METTL25: variants seen among roughly 807,000 people sequenced by gnomAD.
METTL25 encodes the protein probable methyltransferase-like protein 25.
A neutral mutation model predicts 71.6 loss-of-function variants in METTL25; 64 were observed. The ratio of observed to expected loss-of-function variants is 0.89; its 90% CI spans 0.73 to 1.10. METTL25 has a LOEUF of 1.10. Among genes scored for constraint, METTL25 ranks in the 50% least tolerant of loss-of-function variants. METTL25 has a pLI of 0.00. For missense variants in METTL25, 807 were observed against 707.0 expected (o/e 1.14, Z -1.60); for synonymous variants, 287 against 250.3 (o/e 1.15, Z -1.38).
intron 8 of METTL25, among the ~76,000 whole-genome samples, chr12:82,453,414 G>A (rs1473090586): frequency 1.3e-5 from 2 of 152,102 alleles, no homozygotes; most frequent in East Asian, 3.9e-4. Context: ...TAGTATGCTG[G>A]AAGTAATATT....
intron 9 of METTL25, among the ~76,000 whole-genome samples, chr12:82,460,945 C>T (rs968418193): frequency 6.6e-5 from 10 of 152,128 alleles, no homozygotes; most frequent in Admixed American, 1.3e-4. Flanking sequence ...AGATGGAGAC[C>T]ATCCTGGCTA....
At chr12:82,360,930 A>T (rs1313838229) in intron 1 of METTL25, among the ~76,000 whole-genome samples, 1 of 152,166 alleles carries the variant, frequency 6.6e-6, no homozygotes, top group Non-Finnish European at 1.5e-5. Context: ...TTCAGGAGTG[A>T]AGCTGCAGAC....
In METTL25 at chr12:82,438,704, T is replaced by C; in HGVS notation, c.1405-14T>C. The C allele has an allele frequency of 2.1e-6, 3 of 1,458,554 alleles. No homozygotes were observed. The highest frequency in any genetic ancestry group is 2.7e-6 in the Non-Finnish European group (3 of 1,094,676). The allele number at this position is 1,458,554 out of a possible 1,614,324, so 90.4% of individuals were successfully genotyped here. On this transcript the variant is annotated splice_polypyrimidine_tract_variant and intron_variant, in intron 7 of 11. Coordinates refer to ENST00000248306, the MANE Select transcript of METTL25 (RefSeq NM_032230.3). Reference sequence around the variant, plus strand: ...TTTGTTTCTTGTGCTTATATATGTCTACATTTTTTTCAGCTGCCTACTGAA... The same window carrying C: ...TTTGTTTCTTGTGCTTATATATGTCCACATTTTTTTCAGCTGCCTACTGAA...
intron 6 of METTL25, among the ~76,000 whole-genome samples, chr12:82,432,148 A>G (rs1889555873): frequency 6.6e-6 from 1 of 151,732 alleles, no homozygotes; most frequent in Admixed American, 6.6e-5. Flanking sequence ...GTCCAACTGC[A>G]AGATAAACCA....
At chr12:82,404,349 T>TA (rs1565835079) in intron 5 of METTL25, among the ~76,000 whole-genome samples, 1 of 151,888 alleles carries the variant, frequency 6.6e-6, no homozygotes, top group African/African-American at 2.4e-5. Context: ...AAAATTAGGG[T>TA]AAAAAATGAA....
intron 9 of METTL25, chr12:82,468,699 C>A (rs570716072): frequency 6.6e-6 from 1 of 152,158 alleles, no homozygotes. Flanking sequence ...ACGGGAATTA[C>A]GTACCTTTTG....
intron 4 of METTL25, among the ~76,000 whole-genome samples, chr12:82,399,639 A>G (rs1886407021): frequency 6.6e-6 from 1 of 152,158 alleles, no homozygotes; most frequent in Non-Finnish European, 1.5e-5. Context: ...CACAAAAGCT[A>G]GTAAGTAAAC....
At chr12:82,424,640 G>T (rs904186306) in intron 5 of METTL25, among the ~76,000 whole-genome samples, 2 of 151,902 alleles carry the variant, frequency 1.3e-5, no homozygotes, top group Non-Finnish European at 2.9e-5. Context: ...ATGGTAATGG[G>T]TTGATAAATA....
At chr12:82,361,775 G>C (rs1592569989) in intron 1 of METTL25, among the ~76,000 whole-genome samples, 1 of 152,206 alleles carries the variant, frequency 6.6e-6, no homozygotes, top group Non-Finnish European at 1.5e-5. Context: ...GTGGCGCGCA[G>C]CCCTGGTTCC....
At chr12:82,476,492 T>G in intron 9 of METTL25, 152 bp from the exon 10 acceptor site, 1 of 594,022 alleles carries the variant, frequency 1.7e-6, no homozygotes, top group East Asian at 3.0e-5. Context: ...AGAGTTATCT[T>G]GACTTGCTTC....
intron 1 of METTL25, among the ~76,000 whole-genome samples, chr12:82,363,296 G>A (rs575394607): frequency 1.8e-4 from 27 of 152,250 alleles, no homozygotes; most frequent in African/African-American, 6.3e-4. Context: ...TCAACAGAGT[G>A]TATTTCCTAA....
At chr12:82,411,648 T>G (rs550630015) in intron 5 of METTL25, among the ~76,000 whole-genome samples, 2 of 152,030 alleles carry the variant, frequency 1.3e-5, no homozygotes, top group African/African-American at 4.8e-5. Flanking sequence ...TATATTGACA[T>G]AAGTAATTTG....
chr12:82,442,095 C>G (rs1313982380), intron 8 of METTL25, among the ~76,000 whole-genome samples: 3 of 152,018 alleles, frequency 2.0e-5, no homozygotes, highest in African/African-American at 7.2e-5. Flanking sequence ...GTTTCCCCTA[C>G]TAGGGTGGTT....
chr12:82,437,625 A>C (rs1890016164), intron 7 of METTL25, among the ~76,000 whole-genome samples: 1 of 151,726 alleles, frequency 6.6e-6, no homozygotes, highest in Non-Finnish European at 1.5e-5. Flanking sequence ...TGAATTAATT[A>C]AAACATATTT....
intron 8 of METTL25, among the ~76,000 whole-genome samples, chr12:82,446,361 G>GC (rs1890736878): frequency 6.6e-6 from 1 of 152,100 alleles, no homozygotes; most frequent in Admixed American, 6.6e-5. Context: ...TCCAATTGCT[G>GC]CAGCATATAT....
At chr12:82,407,665 G>A (rs565515022) in intron 5 of METTL25, among the ~76,000 whole-genome samples, 6 of 152,140 alleles carry the variant, frequency 3.9e-5, no homozygotes, top group Non-Finnish European at 8.8e-5. Flanking sequence ...ACAGGACTGA[G>A]TGATATGATG....
chr12:82,443,757 A>G (rs1890534461), intron 8 of METTL25, among the ~76,000 whole-genome samples: 1 of 152,142 alleles, frequency 6.6e-6, no homozygotes. Flanking sequence ...AGGAAGCAAA[A>G]CAGAGGGGAG....
At chr12:82,422,433 A>G (rs1215702428) in intron 5 of METTL25, among the ~76,000 whole-genome samples, 1 of 152,178 alleles carries the variant, frequency 6.6e-6, no homozygotes, top group Non-Finnish European at 1.5e-5. Context: ...ACCCACAGCC[A>G]ATATCATACT....
At chr12:82,387,103 T>C (rs564894327) in intron 2 of METTL25, 136 bp downstream of exon 2, 2 of 703,566 alleles carry the variant, frequency 2.8e-6, no homozygotes, top group Admixed American at 6.1e-5. Context: ...AAATTAACTA[T>C]TGTTTAGAAG....
Sources: allele counts gnomAD v4.1 joint callset (sites outside exome capture counted in the v4.1 genomes callset), GRCh38; gene constraint gnomAD v4.1.1; transcripts MANE v1.5; gene names NCBI Gene and HGNC (gene_info 2026-07-23, HGNC 2026-07-21).